Variants in PI4K2B observed in about 807,000 individuals in gnomAD.
The protein encoded by PI4K2B is phosphatidylinositol 4-kinase type 2 beta.
PI4K2B carries 46 observed loss-of-function variants against 56.6 expected under a neutral mutation model. The ratio of observed to expected loss-of-function variants is 0.81; its 90% CI spans 0.64 to 1.04. PI4K2B has a LOEUF of 1.04. Among genes scored for constraint, PI4K2B ranks in the 50% least tolerant of loss-of-function variants. The pLI is 0.00. For synonymous variants in PI4K2B, 211 were observed against 223.8 expected (o/e 0.94, Z 0.51); for missense variants, 556 against 607.7 (o/e 0.91, Z 0.89).
At chr4:25,234,477 G>C in intron 1 of PI4K2B, 46 bp downstream of exon 1, 1 of 1,215,270 alleles carries the variant, frequency 8.2e-7, no homozygotes, top group Non-Finnish European at 1.0e-6. Flanking sequence ...CCGGGCGGCT[G>C]CCCCTGTCGC....
chr4:25,262,642 AAC>A (rs1197363166), intron 6 of PI4K2B, among the ~76,000 whole-genome samples: 1 of 152,164 alleles, frequency 6.6e-6, no homozygotes, highest in Non-Finnish European at 1.5e-5. Context: ...TTCTTTAAAA[AAC>A]ACACACTTTT....
At position 25,255,101 on chromosome 4, in the gene PI4K2B, C is replaced by G. The variant is rs1183141808; in HGVS notation, c.460C>G (p.Pro154Ala). 2 of 1,613,712 alleles carry G rather than the reference C, an allele frequency of 1.2e-6. No homozygotes were observed. Among genetic ancestry groups the G allele is most frequent in the African/African-American group, 2.7e-5 (2 of 74,874 alleles). The change falls in exon 3 of 10, where the codon CCT becomes GCT. Residue 154 changes from proline to alanine, a missense_variant. Transcript: ENST00000264864. ...IGVFKPKSEE[P>A]YGQLNPKWTK... ...TGTGTTTAAACCCAAATCAGAAGAG[C>G]CTTATGGTCAACTCAATCCAAAATG...
At chr4:25,244,325 A>G (rs1299609115) in intron 1 of PI4K2B, among the ~76,000 whole-genome samples, 1 of 152,138 alleles carries the variant, frequency 6.6e-6, no homozygotes, top group Non-Finnish European at 1.5e-5. Context: ...AAGGGGAGCT[A>G]TAGGGAGGCT....
At chr4:25,258,308 A>G (rs1465733420) in intron 4 of PI4K2B, among the ~76,000 whole-genome samples, 1 of 147,016 alleles carries the variant, frequency 6.8e-6, no homozygotes, top group Non-Finnish European at 1.5e-5. Flanking sequence ...CCCGAGTTCA[A>G]GCGATTCTCC....
intron 1 of PI4K2B, among the ~76,000 whole-genome samples, chr4:25,245,466 G>A (rs536437229): frequency 8.3e-4 from 127 of 152,220 alleles, no homozygotes; most frequent in African/African-American, 2.9e-3. Flanking sequence ...TGGTACCTGC[G>A]GAGCTGCATG....
rs1716268961 is a variant in PI4K2B at position 25,256,529 on chromosome 4, T to C, written c.625-14T>C. On this transcript the variant is annotated splice_polypyrimidine_tract_variant and intron_variant, in intron 3 of 9. Coordinates refer to ENST00000264864, the MANE Select transcript of PI4K2B (RefSeq NM_018323.4). ...TGCAAATTCTAACCATTTTTCTGAA[T>C]TGTATGTTTCTAGGTGGTTTGGCTT... is the stretch of plus-strand genomic sequence containing the variant. The C allele has an allele frequency of 1.2e-6, 2 of 1,605,206 alleles. No homozygotes were observed. The highest frequency in any genetic ancestry group is 1.7e-6 in the Non-Finnish European group (2 of 1,177,256).
rs367961224 is a variant in PI4K2B, at chr4:25,257,988, A to G, written c.757-1049A>G. Among the ~76,000 whole-genome samples the G allele has an allele frequency of 3.6e-4, 55 of 152,330 alleles. No homozygotes were observed. The South Asian group carries it at 0.01, about 29-fold the overall frequency. On this transcript the variant is annotated intron_variant, in intron 4 of 9. Transcript: ENST00000264864. The stretch of plus-strand genomic sequence containing the variant: ...TTTGTTTGTATTTTTGAAGCAAACT[A>G]GGGTTACCTGTTACCTGTTTGTCAC...
Position 25,268,523 on chromosome 4 carries a change from T to G in PI4K2B, c.1159T>G (p.Ser387Ala), listed in dbSNP as rs758640377. 2.5e-6 allele frequency: 4 copies of G among 1,599,914 alleles called. No individual in the cohort carries two copies. Among genetic ancestry groups the G allele is most frequent in the Non-Finnish European group, 3.4e-6 (4 of 1,170,826 alleles). ...AAGAAATTTGATTCTACCATATATT[T>G]CTGACATGAACTTTGTGCAAGATTT... is the stretch of plus-strand genomic sequence containing the variant. Reference protein sequence around the residue: ...EIRNLILPYISDMNFVQDLCE... With the variant: ...EIRNLILPYIADMNFVQDLCE... Residue 387 changes from serine (S) to alanine (A), a missense_variant, in exon 8 of 10, where the codon TCT becomes GCT. Transcript: ENST00000264864.
intron 1 of PI4K2B, 36 bp downstream of exon 1, chr4:25,234,467 C>T: frequency 8.0e-7 from 1 of 1,243,242 alleles, no homozygotes; most frequent in Non-Finnish European, 1.0e-6. Flanking sequence ...CCGCGCCCCT[C>T]CGGGCGGCTG....
At chr4:25,261,045 T>C (rs1166167219) in intron 6 of PI4K2B, among the ~76,000 whole-genome samples, 1 of 152,008 alleles carries the variant, frequency 6.6e-6, no homozygotes, top group Non-Finnish European at 1.5e-5. Flanking sequence ...TGGGCAGCTT[T>C]ATTTTTTATT....
rs1298829477 is a variant in PI4K2B, at chr4:25,278,270, C to T, written c.*1083C>T. ...TTTTGAATATCATCCATATGTCTGA[C>T]ATTATTGGAATTTGTAACATTGTTA... On this transcript the variant is annotated 3_prime_UTR_variant, in exon 10 of 10. Transcript: ENST00000264864. 6.6e-6 allele frequency: 1 copy of T among 152,170 alleles called. No individual in the cohort carries two copies. Among genetic ancestry groups the T allele is most frequent in the Non-Finnish European group, 1.5e-5 (1 of 68,026 alleles). The allele number at this position is 152,170 out of a possible 1,614,324, so 9.4% of individuals were successfully genotyped here.
chr4:25,241,857 G>T (rs546467000), intron 1 of PI4K2B, among the ~76,000 whole-genome samples: 2 of 152,170 alleles, frequency 1.3e-5, no homozygotes, highest in Non-Finnish European at 2.9e-5. Context: ...CTGTGGGAAG[G>T]CTTAAAGCTG....
At chr4:25,276,931 A>G (rs1253398577) in intron 9 of PI4K2B, 83 bp from the exon 10 acceptor site, 1 of 1,437,522 alleles carries the variant, frequency 7.0e-7, no homozygotes, top group African/African-American at 1.4e-5. Context: ...TAAAAATTAT[A>G]ATGAATAAAT....
Position 25,260,665 on chromosome 4 carries a change from T to TAC in PI4K2B, c.978+85_978+86dup, listed in dbSNP as rs1157727207. 2.9e-5 allele frequency: 8 copies of TAC among 279,152 alleles called. No homozygotes were observed. The South Asian group carries it at 5.7e-4, about 20-fold the overall frequency. The allele number at this position is 279,152 out of a possible 1,614,324, so 17.3% of individuals were successfully genotyped here. A position where few individuals can be genotyped will look rare whatever the true frequency, so the allele number is the denominator to read the frequency against. On this transcript the variant is annotated intron_variant, in intron 6 of 9. Transcript: ENST00000264864. Reference sequence around the variant, plus strand: ...ATACACACACACACACACACACACATACACACACACACGTGTATATAATTG... The same window carrying TAC: ...ATACACACACACACACACACACACATACACACACACACACGTGTATATAATTG...
At chr4:25,245,232 A>G (rs1715707121) in intron 1 of PI4K2B, among the ~76,000 whole-genome samples, 1 of 152,196 alleles carries the variant, frequency 6.6e-6, no homozygotes, top group Non-Finnish European at 1.5e-5. Flanking sequence ...GTAACAGTTT[A>G]TACTAGAAGT....
At chr4:25,244,897 T>G (rs955574482) in intron 1 of PI4K2B, among the ~76,000 whole-genome samples, 5 of 152,156 alleles carry the variant, frequency 3.3e-5, no homozygotes, top group Non-Finnish European at 5.9e-5. Flanking sequence ...CAAAAACCTG[T>G]TAAGAGTCCT....
Position 25,277,046 on chromosome 4 carries a change from G to A in PI4K2B, c.1305G>A (p.Gly435=). Reference sequence around the variant, plus strand: ...ACCTTACTCAGGCATTGAGAGACGGGAAGAGTCCTTTCCAGCTAGTACAGA... The same window carrying A: ...ACCTTACTCAGGCATTGAGAGACGGAAAGAGTCCTTTCCAGCTAGTACAGA... ...ILNLTQALRD[G]KSPFQLVQIP... The change falls in exon 10 of 10, where the codon GGG becomes GGA. Residue 435 remains glycine (G), a synonymous_variant. Coordinates refer to ENST00000264864, the MANE Select transcript of PI4K2B (RefSeq NM_018323.4). The A allele has an allele frequency of 6.2e-7, 1 of 1,603,828 alleles. No homozygotes were observed. The highest frequency in any genetic ancestry group is 1.3e-5 in the African/African-American group (1 of 74,962).
At chr4:25,238,089 G>T (rs930331511) in intron 1 of PI4K2B, among the ~76,000 whole-genome samples, 2 of 152,188 alleles carry the variant, frequency 1.3e-5, no homozygotes, top group African/African-American at 4.8e-5. Context: ...TATGTGAACA[G>T]AATAAGAAAA....
chr4:25,275,485 G>A lies in PI4K2B; in HGVS notation c.1273-1529G>A, dbSNP rs190121101. ...TCAAGACCAGTCTGGGCAACAAAGCGAAACCCTGTCTCTCCACAAAGTACA... is the reference window on the plus strand; with the variant it reads ...TCAAGACCAGTCTGGGCAACAAAGCAAAACCCTGTCTCTCCACAAAGTACA... On this transcript the variant is annotated intron_variant, in intron 9 of 9. Coordinates refer to ENST00000264864, the MANE Select transcript of PI4K2B (RefSeq NM_018323.4). 5.3e-5 allele frequency among the ~76,000 whole-genome samples: 8 copies of A among 152,102 alleles called. No individual in the cohort carries two copies. The East Asian group carries it at 7.8e-4, about 15-fold the overall frequency.
Sources: allele counts gnomAD v4.1 joint callset (sites outside exome capture counted in the v4.1 genomes callset), GRCh38; gene constraint gnomAD v4.1.1; transcripts MANE v1.5; gene names NCBI Gene and HGNC (gene_info 2026-07-23, HGNC 2026-07-21).